The following RBFOX2 variants were observed in gnomAD, a reference collection of about 807,000 sequenced individuals.
The protein encoded by RBFOX2 is RNA binding protein fox-1 homolog 2.
In RBFOX2, 10 loss-of-function variants were observed where a neutral mutation model predicts 49.1. The ratio of observed to expected loss-of-function variants is 0.20; its 90% CI spans 0.13 to 0.35. The LOEUF is 0.35. RBFOX2 is among the 10% of genes least tolerant of loss of function. The pLI is 1.00. For synonymous variants in RBFOX2, 183 were observed against 187.4 expected, an observed-to-expected ratio of 0.98 and a Z score of 0.19; for missense variants, 323 against 486.9, an observed-to-expected ratio of 0.66 and a Z score of 3.17.
intron 1 of RBFOX2, among the ~76,000 whole-genome samples, chr22:35,833,988 T>C (rs933356057): frequency 6.6e-6 from 1 of 152,246 alleles, no homozygotes; most frequent in Admixed American, 6.5e-5. Context: ...AACAATGAAT[T>C]CCATTACTGC....
At chr22:35,860,316 G>A (rs890131124) in intron 1 of RBFOX2, among the ~76,000 whole-genome samples, 13 of 152,166 alleles carry the variant, frequency 8.5e-5, no homozygotes, top group Admixed American at 3.3e-4. Context: ...GTGGAATACA[G>A]ATGAACTGCT....
chr22:35,866,335 TG>T (rs1228990839), intron 1 of RBFOX2, among the ~76,000 whole-genome samples: 1 of 152,254 alleles, frequency 6.6e-6, no homozygotes, highest in Admixed American at 6.5e-5. Context: ...GCCATTTTTT[TG>T]AAAGTGCATA....
chr22:35,989,684 G>C (rs1213420676), intron 1 of RBFOX2, among the ~76,000 whole-genome samples: 2 of 152,080 alleles, frequency 1.3e-5, no homozygotes, highest in African/African-American at 4.8e-5. Flanking sequence ...TAAAATCTTG[G>C]GAAAAATCCA....
At chr22:35,898,722 C>A (rs1390065994) in intron 1 of RBFOX2, among the ~76,000 whole-genome samples, 1 of 152,128 alleles carries the variant, frequency 6.6e-6, no homozygotes, top group East Asian at 1.9e-4. Flanking sequence ...CCACCATGAC[C>A]ACTGGCAGTC....
At chr22:35,952,519 T>C (rs914752649) in intron 1 of RBFOX2, among the ~76,000 whole-genome samples, 29 of 152,192 alleles carry the variant, frequency 1.9e-4, no homozygotes, top group Non-Finnish European at 3.4e-4. Flanking sequence ...CATCACTTCT[T>C]AGTCTGTTCA....
chr22:35,942,722 T>C (rs1603451537), upstream of RBFOX2, among the ~76,000 whole-genome samples: 1 of 143,766 alleles, frequency 7.0e-6, no homozygotes, highest in South Asian at 2.2e-4. Context: ...ATCCCATCTC[T>C]TAAAAAAAAA....
At chr22:35,928,372 T>A (rs190552146) in intron 1 of RBFOX2, among the ~76,000 whole-genome samples, 1 of 152,160 alleles carries the variant, frequency 6.6e-6, no homozygotes, top group Non-Finnish European at 1.5e-5. Context: ...CTCTGCCATA[T>A]ACCTTAGGAC....
At chr22:35,869,357 T>C (rs6000021) in intron 1 of RBFOX2, among the ~76,000 whole-genome samples, 33,485 of 151,496 alleles carry the variant, frequency 0.22, 5,762 homozygotes, top group African/African-American at 0.48. Context: ...AGGGTTTCAC[T>C]TGTCCAGTCC....
intron 1 of RBFOX2, among the ~76,000 whole-genome samples, chr22:35,814,960 G>A (rs116392313): frequency 4.1e-4 from 63 of 152,130 alleles, no homozygotes; most frequent in East Asian, 2.1e-3. Context: ...TTTTCAATCC[G>A]CAGCTACTTG....
intron 1 of RBFOX2, among the ~76,000 whole-genome samples, chr22:35,921,989 T>G (rs769125098): frequency 1.3e-5 from 2 of 152,170 alleles, no homozygotes; most frequent in Non-Finnish European, 2.9e-5. Flanking sequence ...TGACTCAGAC[T>G]TGAGGCAAGG....
At chr22:35,877,494 C>T (rs977023935) in intron 1 of RBFOX2, among the ~76,000 whole-genome samples, 9 of 152,160 alleles carry the variant, frequency 5.9e-5, no homozygotes, top group Admixed American at 5.2e-4. Context: ...AGGAGTACAA[C>T]AGACTCAGAA....
chr22:36,025,400 T>C (rs966605385), intron 1 of RBFOX2, among the ~76,000 whole-genome samples: 2 of 152,276 alleles, frequency 1.3e-5, no homozygotes, highest in African/African-American at 4.8e-5. Flanking sequence ...TCTCTCCCTT[T>C]CCCTGCTTTT....
At chr22:35,932,657 G>C (rs1162358198) in intron 1 of RBFOX2, among the ~76,000 whole-genome samples, 1 of 152,216 alleles carries the variant, frequency 6.6e-6, no homozygotes, top group African/African-American at 2.4e-5. Context: ...GAGGTGAGCA[G>C]ATCACCTGAG....
At chr22:35,874,924 A>C (rs1224330592) in intron 1 of RBFOX2, among the ~76,000 whole-genome samples, 1 of 152,130 alleles carries the variant, frequency 6.6e-6, no homozygotes, top group Non-Finnish European at 1.5e-5. Context: ...AATTAATGTT[A>C]AGTAAGGTGG....
At chr22:36,025,967 A>G (rs2059417278) in intron 1 of RBFOX2, among the ~76,000 whole-genome samples, 1 of 152,096 alleles carries the variant, frequency 6.6e-6, no homozygotes, top group Non-Finnish European at 1.5e-5. Flanking sequence ...ACCTACAACA[A>G]TGGGAATGTA....
rs5995178 is a variant in RBFOX2 at position 35,914,030 on chromosome 22, C to T, written c.-34+24817G>A. ...AAAGAGGAGACAGTAATGTTTGGTC[C>T]TCCTACAGGGCAGGATTAAAAGCTG... On this transcript the variant is annotated intron_variant, in intron 1 of 13. Coordinates refer to the RBFOX2 transcript ENST00000359369. 9.2e-5 allele frequency among the ~76,000 whole-genome samples: 14 copies of T among 152,190 alleles called. 1 individual carries two copies. The highest frequency in any genetic ancestry group is 3.4e-4 in the African/African-American group (14 of 41,526).
rs2047481128 is a variant in RBFOX2, at chr22:35,893,426, G to C, written c.-34+45421C>G. Among the ~76,000 whole-genome samples the C allele has an allele frequency of 2.0e-5, 3 of 152,196 alleles. No homozygotes were observed. In the East Asian group the frequency reaches 5.8e-4, roughly 29 times the overall value. On this transcript the variant is annotated intron_variant, in intron 1 of 13. Coordinates refer to the RBFOX2 transcript ENST00000359369. ...ATCAAACATAAGTGAGTGAAAATGAGATTAATTCAACTTGCTTCCTTTCAT... is the reference window on the plus strand; with the variant it reads ...ATCAAACATAAGTGAGTGAAAATGACATTAATTCAACTTGCTTCCTTTCAT...
At chr22:35,809,707 T>C (rs1446504820) in intron 2 of RBFOX2, 73 bp downstream of exon 3, 2 of 1,482,848 alleles carry the variant, frequency 1.3e-6, no homozygotes, top group Non-Finnish European at 1.9e-6. Context: ...AGTCTTCTAA[T>C]TGTATAATTA....
chr22:35,856,574 C>T (rs1003900412), intron 1 of RBFOX2, among the ~76,000 whole-genome samples: 1 of 149,952 alleles, frequency 6.7e-6, no homozygotes, highest in Non-Finnish European at 1.5e-5. Context: ...ACCCTGTGCA[C>T]CAGGGTAAGA....
Sources: gnomAD v4.1 joint callset for allele counts (sites outside exome capture counted in the v4.1 genomes callset) on GRCh38, gnomAD v4.1.1 for gene constraint, MANE v1.5 for transcripts, NCBI Gene and HGNC (gene_info 2026-07-23, HGNC 2026-07-21) for gene names.